Variants in VAV3 observed in about 807,000 individuals in gnomAD.
The protein encoded by VAV3 is guanine nucleotide exchange factor VAV3.
VAV3 carries 94 observed loss-of-function variants against 131.2 expected under a neutral mutation model. The ratio of observed to expected loss-of-function variants is 0.72; its 90% CI spans 0.61 to 0.85. VAV3 has a LOEUF of 0.85. Among genes scored for constraint, VAV3 ranks in the 40% least tolerant of loss-of-function variants. The probability of loss-of-function intolerance (pLI) is 0.00; values close to 1 mark genes in which losing one functional copy is unlikely to be tolerated. For synonymous variants in VAV3, 349 were observed against 342.0 expected (o/e 1.02, Z -0.22); for missense variants, 939 against 1,002.7 (o/e 0.94, Z 0.86).
chr1:107,591,503 T>C lies in VAV3; in HGVS notation c.2350+4709A>G, dbSNP rs1446509095. On this transcript the variant is annotated intron_variant, in intron 25 of 26. Coordinates refer to ENST00000370056, the MANE Select transcript of VAV3 (RefSeq NM_006113.5). Reference sequence around the variant, plus strand: ...GGTAAGGAACGGATGGCTTCAAATATGATCTGTTCAGTACATGCTAGTGTT... The same window carrying C: ...GGTAAGGAACGGATGGCTTCAAATACGATCTGTTCAGTACATGCTAGTGTT... Among the ~76,000 whole-genome samples the C allele has an allele frequency of 3.9e-5, 6 of 152,194 alleles. No homozygotes were observed. The South Asian group carries it at 1.2e-3, about 31-fold the overall frequency.
chr1:107,719,462 T>A (rs1359323941), intron 15 of VAV3, among the ~76,000 whole-genome samples: 1 of 152,096 alleles, frequency 6.6e-6, no homozygotes, highest in African/African-American at 2.4e-5. Context: ...TATGAAAAAA[T>A]GCTCCTCATC....
At chr1:107,914,307 A>G (rs776059090) in intron 1 of VAV3, among the ~76,000 whole-genome samples, 3 of 152,196 alleles carry the variant, frequency 2.0e-5, no homozygotes, top group Non-Finnish European at 4.4e-5. Flanking sequence ...TTTATCTCGC[A>G]ACAGTGACGT....
chr1:107,695,003 G>A (rs1659658956), intron 17 of VAV3, among the ~76,000 whole-genome samples: 1 of 152,122 alleles, frequency 6.6e-6, no homozygotes, highest in Non-Finnish European at 1.5e-5. Context: ...GGCAACATCT[G>A]CATTGACTTT....
At chr1:107,723,041 T>C (rs866730154) in intron 15 of VAV3, among the ~76,000 whole-genome samples, 1 of 152,178 alleles carries the variant, frequency 6.6e-6, no homozygotes, top group Non-Finnish European at 1.5e-5. Context: ...GGCTCCACTA[T>C]AGACTTCGTC....
At chr1:107,758,401 C>T (rs1317597743) in intron 10 of VAV3, among the ~76,000 whole-genome samples, 1 of 151,984 alleles carries the variant, frequency 6.6e-6, no homozygotes, top group Non-Finnish European at 1.5e-5. Flanking sequence ...AAGACCCCAT[C>T]TCTACAAAAA....
chr1:107,899,537 A>C (rs1671761653), intron 1 of VAV3, among the ~76,000 whole-genome samples: 1 of 152,192 alleles, frequency 6.6e-6, no homozygotes, highest in Non-Finnish European at 1.5e-5. Flanking sequence ...CTACACATTG[A>C]GGGAAGGTTT....
intron 1 of VAV3, among the ~76,000 whole-genome samples, chr1:107,883,474 T>A (rs1185649298): frequency 1.3e-5 from 2 of 152,210 alleles, no homozygotes; most frequent in African/African-American, 4.8e-5. Flanking sequence ...AATGCAACGA[T>A]TCCTTAGTAG....
At chr1:107,707,183 A>G (rs1660502396) in intron 15 of VAV3, among the ~76,000 whole-genome samples, 2 of 152,218 alleles carry the variant, frequency 1.3e-5, no homozygotes, top group Non-Finnish European at 2.9e-5. Flanking sequence ...AATTATTTGA[A>G]AACTAAAATG....
intron 25 of VAV3, among the ~76,000 whole-genome samples, chr1:107,583,883 C>G (rs1176328010): frequency 6.6e-6 from 1 of 152,198 alleles, no homozygotes; most frequent in Non-Finnish European, 1.5e-5. Context: ...CAATGACTTT[C>G]TTCACAGAAT....
At chr1:107,680,962 T>C (rs1658561017) in intron 19 of VAV3, among the ~76,000 whole-genome samples, 1 of 152,198 alleles carries the variant, frequency 6.6e-6, no homozygotes, top group African/African-American at 2.4e-5. Context: ...AGAATGTCAA[T>C]GCATACATAA....
chr1:107,626,839 AAGG>A (rs1300931979), intron 20 of VAV3, among the ~76,000 whole-genome samples: 20 of 152,332 alleles, frequency 1.3e-4, no homozygotes, highest in Admixed American at 6.5e-5. Context: ...TTTCTTAACA[AAGG>A]AGATCTGATT....
At chr1:107,592,482 CATTTAAA>C (rs1240599313) in intron 25 of VAV3, among the ~76,000 whole-genome samples, 1 of 152,020 alleles carries the variant, frequency 6.6e-6, no homozygotes, top group Non-Finnish European at 1.5e-5. Context: ...TAGTGATAGC[CATTTAAA>C]AAAATTACCC....
intron 2 of VAV3, among the ~76,000 whole-genome samples, chr1:107,782,524 T>C (rs984517599): frequency 1.3e-5 from 2 of 152,170 alleles, no homozygotes; most frequent in African/African-American, 4.8e-5. Flanking sequence ...TTTATTACTA[T>C]TCACTAACAG....
At chr1:107,812,095 G>T (rs1477613330) in intron 2 of VAV3, among the ~76,000 whole-genome samples, 1 of 152,080 alleles carries the variant, frequency 6.6e-6, no homozygotes, top group Non-Finnish European at 1.5e-5. Flanking sequence ...GCTTAAAAAA[G>T]AAATGTTTAA....
At chr1:107,875,079 G>T (rs140740073) in intron 1 of VAV3, 62 bp from the exon 2 acceptor site, 50 of 1,378,226 alleles carry the variant, frequency 3.6e-5, no homozygotes, top group Admixed American at 5.1e-5. Context: ...TCCACCCTCT[G>T]TAACACTCAA....
chr1:107,681,027 A>G (rs1351219790), intron 19 of VAV3, among the ~76,000 whole-genome samples: 1 of 152,170 alleles, frequency 6.6e-6, no homozygotes, highest in Admixed American at 6.6e-5. Flanking sequence ...CCTACTACCC[A>G]CTGGACTATG....
chr1:107,724,273 A>T (rs1280482710), intron 15 of VAV3, among the ~76,000 whole-genome samples: 1 of 151,746 alleles, frequency 6.6e-6, no homozygotes, highest in Non-Finnish European at 1.5e-5. Flanking sequence ...TCCAAATGTG[A>T]TCTATCCCTG....
intron 1 of VAV3, among the ~76,000 whole-genome samples, chr1:107,934,320 T>C (rs1040666442): frequency 4.6e-5 from 7 of 152,222 alleles, no homozygotes; most frequent in Admixed American, 1.3e-4. Context: ...AATCATAAAC[T>C]CTTCTGCTGC....
At chr1:107,745,368 T>C (rs1388715413) in intron 15 of VAV3, among the ~76,000 whole-genome samples, 1 of 152,002 alleles carries the variant, frequency 6.6e-6, no homozygotes, top group Non-Finnish European at 1.5e-5. Flanking sequence ...ATATCAGTCC[T>C]GCTACCACTT....
Sources: allele counts gnomAD v4.1 joint callset (sites outside exome capture counted in the v4.1 genomes callset), GRCh38; gene constraint gnomAD v4.1.1; transcripts MANE v1.5; gene names NCBI Gene and HGNC (gene_info 2026-07-23, HGNC 2026-07-21).